The following KAZN variants were observed in gnomAD, a reference collection of about 807,000 sequenced individuals.
The protein encoded by KAZN is kazrin, periplakin interacting protein, also known as kazrin.
Under a neutral mutation model 87.4 loss-of-function variants are expected in KAZN, and 40 were observed. The observed-to-expected ratio is 0.46, with a 90% CI of 0.36 to 0.60. KAZN has a LOEUF of 0.60. Ranked by LOEUF, KAZN falls within the 20% of genes least tolerant of loss-of-function variation. The pLI is 0.00. For synonymous variants in KAZN, 466 were observed against 458.3 expected, an observed-to-expected ratio of 1.02 and a Z score of -0.22; for missense variants, 898 against 1,073.9, an observed-to-expected ratio of 0.84 and a Z score of 2.29.
intron 10 of KAZN, among the ~76,000 whole-genome samples, chr1:15,098,043 T>A (rs1353960525): frequency 2.0e-5 from 3 of 152,120 alleles, no homozygotes; most frequent in African/African-American, 7.2e-5. Context: ...TCCCTACAAC[T>A]CCATGAGGCA....
chr1:14,218,467 G>T (rs911441180), intron 2 of KAZN, among the ~76,000 whole-genome samples: 3 of 152,112 alleles, frequency 2.0e-5, no homozygotes, highest in Non-Finnish European at 4.4e-5. Context: ...GGCAGAATTT[G>T]TACAAGATGA....
At chr1:14,827,357 C>T (rs952452198) in intron 1 of KAZN, among the ~76,000 whole-genome samples, 4 of 152,170 alleles carry the variant, frequency 2.6e-5, no homozygotes, top group Non-Finnish European at 4.4e-5. Context: ...GCACCCATCA[C>T]CCGAGCAGTG....
chr1:13,895,395 T>G (rs979077352), intron 1 of KAZN, among the ~76,000 whole-genome samples: 1 of 152,206 alleles, frequency 6.6e-6, no homozygotes, highest in Non-Finnish European at 1.5e-5. Context: ...CCCCTGCGGC[T>G]TCATTCACTT....
At chr1:14,069,069 T>C (rs1197382728) in intron 1 of KAZN, among the ~76,000 whole-genome samples, 2 of 152,192 alleles carry the variant, frequency 1.3e-5, no homozygotes, top group African/African-American at 4.8e-5. Context: ...AGTGTTGGGA[T>C]TACAGGCGTG....
intron 2 of KAZN, among the ~76,000 whole-genome samples, chr1:14,536,952 C>A (rs1392652986): frequency 6.6e-6 from 1 of 152,072 alleles, no homozygotes; most frequent in African/African-American, 2.4e-5. Context: ...TCCTTCCAGT[C>A]TCTGGCATCT....
intron 1 of KAZN, among the ~76,000 whole-genome samples, chr1:14,943,601 A>C (rs547803512): frequency 6.6e-6 from 1 of 152,244 alleles, no homozygotes; most frequent in Admixed American, 6.5e-5. Context: ...TAGACCCCCA[A>C]TTAATCCCTA....
At chr1:14,641,005 G>A (rs1371457013) in intron 1 of KAZN, among the ~76,000 whole-genome samples, 1 of 152,160 alleles carries the variant, frequency 6.6e-6, no homozygotes, top group Non-Finnish European at 1.5e-5. Flanking sequence ...ATGACTGCTG[G>A]TAACCATGAA....
intron 2 of KAZN, among the ~76,000 whole-genome samples, chr1:15,023,131 G>A (rs963083625): frequency 6.6e-6 from 1 of 152,188 alleles, no homozygotes; most frequent in African/African-American, 2.4e-5. Flanking sequence ...TGTAGGGCCG[G>A]GTAGTGGATG....
Position 13,927,799 on chromosome 1 carries a change from C to T in KAZN, c.91+34043C>T, listed in dbSNP as rs531649071. ...CAGAGAGGAAACTGGATGTGTGGAG[C>T]GGAAGAGACACAAGTACAGGGTGCT... On this transcript the variant is annotated intron_variant, in intron 1 of 16. Coordinates refer to the KAZN transcript ENST00000636203. Among the ~76,000 whole-genome samples, 99 of 152,238 alleles carry T rather than the reference C, an allele frequency of 6.5e-4. 2 individuals are homozygous for T. In the South Asian group the frequency reaches 0.012, roughly 18 times the overall value.
At chr1:14,041,479 C>G (rs543390133) in intron 1 of KAZN, among the ~76,000 whole-genome samples, 1 of 151,980 alleles carries the variant, frequency 6.6e-6, no homozygotes, top group Non-Finnish European at 1.5e-5. Flanking sequence ...GTATAGAATG[C>G]TCCTCAATGC....
intron 2 of KAZN, among the ~76,000 whole-genome samples, chr1:14,289,601 T>C (rs1041685164): frequency 6.6e-6 from 1 of 152,148 alleles, no homozygotes; most frequent in African/African-American, 2.4e-5. Context: ...GTCTCCCGAA[T>C]ATAGCACACT....
intron 1 of KAZN, among the ~76,000 whole-genome samples, chr1:14,719,119 C>T (rs182619310): frequency 6.6e-6 from 1 of 152,318 alleles, no homozygotes; most frequent in Non-Finnish European, 1.5e-5. Flanking sequence ...GTACTCTCTG[C>T]TTGCTGGTCT....
intron 2 of KAZN, among the ~76,000 whole-genome samples, chr1:14,546,058 T>G (rs1196678417): frequency 6.6e-6 from 1 of 152,132 alleles, no homozygotes. Context: ...TCTTACATGA[T>G]GTACCTTCAG....
At chr1:14,933,754 T>C (rs1468918781) in intron 1 of KAZN, among the ~76,000 whole-genome samples, 1 of 152,142 alleles carries the variant, frequency 6.6e-6, no homozygotes, top group Non-Finnish European at 1.5e-5. Context: ...GCCATCCTCC[T>C]GCCTCAGCCT....
intron 2 of KAZN, among the ~76,000 whole-genome samples, chr1:14,198,443 T>C (rs1223650537): frequency 6.6e-6 from 1 of 151,948 alleles, no homozygotes; most frequent in Non-Finnish European, 1.5e-5. Flanking sequence ...CTAATACAAA[T>C]ATAAAAATTA....
At chr1:14,477,147 T>A (rs1480500633) in intron 2 of KAZN, among the ~76,000 whole-genome samples, 1 of 152,176 alleles carries the variant, frequency 6.6e-6, no homozygotes, top group Admixed American at 6.5e-5. Flanking sequence ...CATTAAATTA[T>A]GGGGGTGGGC....
At chr1:14,043,651 T>C (rs1641935747) in intron 1 of KAZN, among the ~76,000 whole-genome samples, 1 of 152,076 alleles carries the variant, frequency 6.6e-6, no homozygotes, top group South Asian at 2.1e-4. Context: ...GTCCAATGAG[T>C]ATGAACGTAA....
chr1:14,990,969 G>C (rs531996633), intron 2 of KAZN, among the ~76,000 whole-genome samples: 1 of 151,486 alleles, frequency 6.6e-6, no homozygotes, highest in Non-Finnish European at 1.5e-5. Flanking sequence ...AGGCAAAGGT[G>C]GGGGTGATGT....
intron 1 of KAZN, among the ~76,000 whole-genome samples, chr1:13,942,413 G>T (rs928492134): frequency 6.8e-6 from 1 of 147,844 alleles, no homozygotes; most frequent in Non-Finnish European, 1.5e-5. Flanking sequence ...GGTGGCGGGC[G>T]CCTGTAGTCC....
Sources: allele counts gnomAD v4.1 joint callset (sites outside exome capture counted in the v4.1 genomes callset), GRCh38; gene constraint gnomAD v4.1.1; transcripts MANE v1.5; gene names NCBI Gene and HGNC (gene_info 2026-07-23, HGNC 2026-07-21).